Variants in CNTN1 observed in about 807,000 individuals in gnomAD.
The protein encoded by CNTN1 is contactin-1.
Under a neutral mutation model 126.4 loss-of-function variants are expected in CNTN1, and 38 were observed. The ratio of observed to expected loss-of-function variants is 0.30; its 90% CI spans 0.23 to 0.39. The LOEUF (loss-of-function observed/expected upper bound fraction) is 0.39, where lower values mean the gene tolerates loss of function less well. Ranked by LOEUF, CNTN1 falls within the 10% of genes least tolerant of loss-of-function variation. The pLI, the probability that CNTN1 is intolerant of heterozygous loss-of-function variation, is 1.00. For missense variants in CNTN1, 1,009 were observed against 1,248.4 expected (o/e 0.81, Z 2.89); for synonymous variants, 413 against 422.6 (o/e 0.98, Z 0.28).
At chr12:40,984,345 A>T (rs941669593) in intron 16 of CNTN1, among the ~76,000 whole-genome samples, 1 of 152,122 alleles carries the variant, frequency 6.6e-6, no homozygotes, top group African/African-American at 2.4e-5. Context: ...GAAATATCTG[A>T]GGCCGGGTGA....
intron 1 of CNTN1, among the ~76,000 whole-genome samples, chr12:40,855,148 T>C (rs312270): frequency 0.24 from 36,855 of 152,084 alleles, 4,962 homozygotes; most frequent in South Asian, 0.35. Context: ...ATAGAAATAC[T>C]AATGACCTAG....
intron 1 of CNTN1, among the ~76,000 whole-genome samples, chr12:40,727,768 T>C (rs1310128884): frequency 1.3e-5 from 2 of 152,176 alleles, no homozygotes; most frequent in African/African-American, 4.8e-5. Flanking sequence ...AATCCTAACA[T>C]AAAAATATGC....
At chr12:41,005,780 ATTCTT>A (rs1406747689) in intron 17 of CNTN1, among the ~76,000 whole-genome samples, 1 of 152,094 alleles carries the variant, frequency 6.6e-6, no homozygotes, top group African/African-American at 2.4e-5. Flanking sequence ...GGTTGGTTAC[ATTCTT>A]TTCTAAACTG....
intron 15 of CNTN1, among the ~76,000 whole-genome samples, chr12:40,973,428 A>G (rs1947582064): frequency 6.6e-6 from 1 of 152,116 alleles, no homozygotes; most frequent in Non-Finnish European, 1.5e-5. Flanking sequence ...TCACTCAGCA[A>G]TTTCAATTTT....
Position 40,829,897 on chromosome 12 carries a change from A to G in CNTN1, c.-76-78460A>G, listed in dbSNP as rs557575875. ...AAAGAATGGAGGGGGGCAGAAACTTAAAGATATTTATTGCCTAATGACACA... is the reference window on the plus strand; with the variant it reads ...AAAGAATGGAGGGGGGCAGAAACTTGAAGATATTTATTGCCTAATGACACA... On this transcript the variant is annotated intron_variant, in intron 1 of 23. Coordinates refer to ENST00000551295, the MANE Select transcript of CNTN1 (RefSeq NM_001843.4). Among the ~76,000 whole-genome samples, 3 of 152,294 alleles carry G rather than the reference A, an allele frequency of 2.0e-5. No individual in the cohort carries two copies. In the South Asian group the frequency reaches 6.2e-4, roughly 32 times the overall value.
chr12:40,735,870 G>GCTGGCTGTAGAAACTCTC (rs1316338633), intron 1 of CNTN1, among the ~76,000 whole-genome samples: 2 of 152,082 alleles, frequency 1.3e-5, no homozygotes, highest in Non-Finnish European at 2.9e-5. Flanking sequence ...ACATGTTTGA[G>GCTGGCTGTAGAAACTCTC]CTGGCTGTAG....
intron 1 of CNTN1, among the ~76,000 whole-genome samples, chr12:40,787,031 G>A (rs1187385058): frequency 6.6e-6 from 1 of 151,972 alleles, no homozygotes; most frequent in Non-Finnish European, 1.5e-5. Flanking sequence ...TCACTATGAT[G>A]TTCGTTATAG....
intron 1 of CNTN1, among the ~76,000 whole-genome samples, chr12:40,725,423 AG>A (rs1322608568): frequency 2.8e-3 from 175 of 62,646 alleles, no homozygotes; most frequent in Non-Finnish European, 4.1e-3. Flanking sequence ...AAAAAAAAAA[AG>A]GAAAGAAAAA....
chr12:40,857,235 A>C (rs918605315), intron 1 of CNTN1, among the ~76,000 whole-genome samples: 1 of 151,992 alleles, frequency 6.6e-6, no homozygotes, highest in African/African-American at 2.4e-5. Context: ...CAATTTTAAT[A>C]ACAAATCTAC....
rs549862860 is a variant in CNTN1 at position 41,006,162 on chromosome 12, T to C, written c.2114-8066T>C. 2.0e-5 allele frequency among the ~76,000 whole-genome samples: 3 copies of C among 152,378 alleles called. No individual in the cohort carries two copies. In the East Asian group the frequency reaches 5.8e-4, roughly 29 times the overall value. ...ATAAGGTAGATTCAGTAGACTAGCT[T>C]CTGCAAGATTTTATGGGGCCAACAT... On this transcript the variant is annotated intron_variant, in intron 17 of 23. Coordinates refer to ENST00000551295, the MANE Select transcript of CNTN1 (RefSeq NM_001843.4).
At chr12:40,789,327 T>G (rs1032987378) in intron 1 of CNTN1, among the ~76,000 whole-genome samples, 2 of 152,170 alleles carry the variant, frequency 1.3e-5, no homozygotes, top group African/African-American at 4.8e-5. Flanking sequence ...CTTGAAATAA[T>G]GGGTTCCCTT....
intron 1 of CNTN1, among the ~76,000 whole-genome samples, chr12:40,842,720 G>A (rs1006379253): frequency 6.6e-6 from 1 of 151,998 alleles, no homozygotes; most frequent in African/African-American, 2.4e-5. Flanking sequence ...CTAGTGTCTA[G>A]CACAGTGCCT....
At chr12:40,969,476 A>C (rs1947422322) in intron 15 of CNTN1, among the ~76,000 whole-genome samples, 1 of 152,200 alleles carries the variant, frequency 6.6e-6, no homozygotes, top group Non-Finnish European at 1.5e-5. Flanking sequence ...ATACCCCATT[A>C]GATCAGAGCA....
intron 3 of CNTN1, 24 bp downstream of exon 3, chr12:40,910,129 T>A: frequency 6.4e-7 from 1 of 1,554,848 alleles, no homozygotes; most frequent in Non-Finnish European, 8.9e-7. Context: ...AGAGTAGACC[T>A]TGTAAACATC....
rs554146100 is a variant in CNTN1, at chr12:40,707,320, C to T, written c.-77+14728C>T. ...CTGGAGTGCAGTGGTGCAATCTCAG[C>T]TCACTACAAGCTCCGCCTCCTGGGT... is the stretch of plus-strand genomic sequence containing the variant. On this transcript the variant is annotated intron_variant, in intron 1 of 23. Transcript: ENST00000551295. 9.2e-5 allele frequency among the ~76,000 whole-genome samples: 13 copies of T among 141,802 alleles called. No homozygotes were observed. The East Asian group carries it at 2.5e-3, about 28-fold the overall frequency. The allele number at this position is 141,802 out of a possible 152,430, so 93.0% of individuals were successfully genotyped here. A position where few individuals can be genotyped will look rare whatever the true frequency, so the allele number is the denominator to read the frequency against.
At chr12:41,059,143 A>C (rs1949888055) in intron 23 of CNTN1, among the ~76,000 whole-genome samples, 1 of 152,192 alleles carries the variant, frequency 6.6e-6, no homozygotes, top group South Asian at 2.1e-4. Context: ...AAATACCAAT[A>C]CACTAGGAGA....
rs1458319284 is a variant in CNTN1, at chr12:40,798,544, C to T, written c.-77+105952C>T. 2.0e-5 allele frequency among the ~76,000 whole-genome samples: 3 copies of T among 151,798 alleles called. No homozygotes were observed. The East Asian group carries it at 5.8e-4, about 29-fold the overall frequency. ...GGCCCAAGGTATAAAAGTCTATATT[C>T]TACCACTCAGCCATTAAAAAAAGAA... On this transcript the variant is annotated intron_variant, in intron 1 of 23. Coordinates refer to ENST00000551295, the MANE Select transcript of CNTN1 (RefSeq NM_001843.4).
chr12:40,764,412 A>G (rs1333591311), intron 1 of CNTN1, among the ~76,000 whole-genome samples: 1 of 152,134 alleles, frequency 6.6e-6, no homozygotes, highest in Non-Finnish European at 1.5e-5. Flanking sequence ...TTAAGAAAAG[A>G]GGTTTGTCTA....
intron 14 of CNTN1, among the ~76,000 whole-genome samples, chr12:40,954,272 T>A (rs1055418461): frequency 6.6e-6 from 1 of 152,082 alleles, no homozygotes; most frequent in African/African-American, 2.4e-5. Flanking sequence ...ATATTTAGTA[T>A]CAAGTGCATT....
Sources: allele counts gnomAD v4.1 joint callset (sites outside exome capture counted in the v4.1 genomes callset), GRCh38; gene constraint gnomAD v4.1.1; transcripts MANE v1.5; gene names NCBI Gene and HGNC (gene_info 2026-07-23, HGNC 2026-07-21).